The following NCKAP5 variants were observed in gnomAD, a reference collection of about 807,000 sequenced individuals.
NCKAP5 encodes nck-associated protein 5.
In NCKAP5, 92 loss-of-function variants were observed where a neutral mutation model predicts 167.0. That is an observed-to-expected ratio of 0.55 (90% CI 0.47 to 0.66). NCKAP5 has a LOEUF of 0.66. Among genes scored for constraint, NCKAP5 ranks in the 30% least tolerant of loss-of-function variants. The pLI is 0.00. For synonymous variants in NCKAP5, 891 were observed against 877.4 expected, an observed-to-expected ratio of 1.02 and a Z score of -0.27; for missense variants, 2,378 against 2,315.0, an observed-to-expected ratio of 1.03 and a Z score of -0.56.
intron 10 of NCKAP5, among the ~76,000 whole-genome samples, chr2:132,867,548 T>C (rs1574466065): frequency 6.6e-6 from 1 of 152,158 alleles, no homozygotes; most frequent in East Asian, 1.9e-4. Flanking sequence ...TTTGGAAGTG[T>C]CCTTTAAAAG....
intron 5 of NCKAP5, among the ~76,000 whole-genome samples, chr2:133,192,175 GC>G (rs2085254872): frequency 6.6e-6 from 1 of 151,966 alleles, no homozygotes; most frequent in Non-Finnish European, 1.5e-5. Context: ...TGACAAATAT[GC>G]AAAAGTAATT....
intron 3 of NCKAP5, among the ~76,000 whole-genome samples, chr2:133,361,707 A>G (rs1685116943): frequency 6.6e-6 from 1 of 152,220 alleles, no homozygotes; most frequent in South Asian, 2.1e-4. Context: ...CATTGGAAAG[A>G]CAATTGGGTT....
chr2:133,179,514 A>G (rs1484992557), intron 5 of NCKAP5, among the ~76,000 whole-genome samples: 7 of 152,204 alleles, frequency 4.6e-5, no homozygotes, highest in Non-Finnish European at 8.8e-5. Context: ...GACAACGAGA[A>G]GACAGAGATG....
intron 19 of NCKAP5, among the ~76,000 whole-genome samples, chr2:132,720,636 G>C (rs539043098): frequency 5.3e-5 from 8 of 152,218 alleles, no homozygotes; most frequent in African/African-American, 1.9e-4. Context: ...ACAGGAGACA[G>C]GCAGCAGCCT....
At chr2:133,039,091 A>G (rs1471762747) in intron 6 of NCKAP5, among the ~76,000 whole-genome samples, 2 of 152,100 alleles carry the variant, frequency 1.3e-5, no homozygotes, top group Non-Finnish European at 2.9e-5. Flanking sequence ...TCTGGAGGAG[A>G]AGGTTTGAGC....
chr2:133,111,729 T>C (rs1157973629), intron 6 of NCKAP5, among the ~76,000 whole-genome samples: 1 of 152,210 alleles, frequency 6.6e-6, no homozygotes, highest in African/African-American at 2.4e-5. Context: ...TAGCTGTTTC[T>C]TTCTCACTGT....
intron 5 of NCKAP5, among the ~76,000 whole-genome samples, chr2:133,192,084 C>T (rs550458477): frequency 6.6e-6 from 1 of 152,110 alleles, no homozygotes; most frequent in East Asian, 1.9e-4. Flanking sequence ...TGTGTGTTAT[C>T]AGTGGAGGGA....
At chr2:133,517,418 C>G in intron 3 of NCKAP5, 40 bp downstream of exon 3, 1 of 1,220,258 alleles carries the variant, frequency 8.2e-7, no homozygotes, top group Middle Eastern at 2.0e-4. Flanking sequence ...GCATTCAAAG[C>G]CAAAACATAT....
At chr2:133,369,771 A>G (rs1685681936) in intron 3 of NCKAP5, among the ~76,000 whole-genome samples, 1 of 152,226 alleles carries the variant, frequency 6.6e-6, no homozygotes, top group South Asian at 2.1e-4. Context: ...TTTTCTTTCG[A>G]TTTATTTGTG....
rs568538019 is a variant in NCKAP5, at chr2:132,753,298, T to C, written c.5128+20518A>G. On this transcript the variant is annotated intron_variant, in intron 16 of 19. Coordinates refer to ENST00000409261, the MANE Select transcript of NCKAP5 (RefSeq NM_207363.3). ...GAAAGATGGCTTATTTAAGATAAAG[T>C]CAAGAAAGCCACCTTGCTACTAATC... Among the ~76,000 whole-genome samples, 6 of 152,254 alleles carry C rather than the reference T, an allele frequency of 3.9e-5. No individual in the cohort carries two copies. The East Asian group carries it at 1.2e-3, about 29-fold the overall frequency.
rs781065924 is a variant in NCKAP5, at chr2:132,838,180, C to G, written c.807+22312G>C. 2.6e-5 allele frequency among the ~76,000 whole-genome samples: 4 copies of G among 152,136 alleles called. No homozygotes were observed. In the East Asian group the frequency reaches 5.8e-4, roughly 22 times the overall value. Reference sequence around the variant, plus strand: ...AGACTTTCCACCCTCCTGCTCTCTCCGTGGCACCTGGGGTCTCCCAGTGGA... The same window carrying G: ...AGACTTTCCACCCTCCTGCTCTCTCGGTGGCACCTGGGGTCTCCCAGTGGA... On this transcript the variant is annotated intron_variant, in intron 11 of 19. Coordinates refer to ENST00000409261, the MANE Select transcript of NCKAP5 (RefSeq NM_207363.3).
intron 4 of NCKAP5, among the ~76,000 whole-genome samples, chr2:133,280,775 A>G (rs927517501): frequency 6.6e-6 from 1 of 152,176 alleles, no homozygotes; most frequent in African/African-American, 2.4e-5. Context: ...GAATAGTTAT[A>G]CCTGTTCACT....
intron 13 of NCKAP5, among the ~76,000 whole-genome samples, chr2:132,786,834 C>T (rs989751996): frequency 3.3e-5 from 5 of 152,118 alleles, no homozygotes; most frequent in South Asian, 4.2e-4. Flanking sequence ...TTCTATAGTA[C>T]GTCGGTTTTG....
chr2:133,629,629 G>A, the NCKAP5 span, among the ~76,000 whole-genome samples: 1 of 152,022 alleles, frequency 6.6e-6, no homozygotes, highest in South Asian at 2.1e-4. Context: ...CCATTACTGG[G>A]TATATACCCA....
intron 4 of NCKAP5, among the ~76,000 whole-genome samples, chr2:133,229,480 G>T (rs142831385): frequency 2.7e-3 from 407 of 152,240 alleles, no homozygotes; most frequent in African/African-American, 8.9e-3. Context: ...AACATATTTT[G>T]TTTACATTTA....
chr2:132,997,847 A>G (rs1041776442), intron 6 of NCKAP5, among the ~76,000 whole-genome samples: 3 of 152,184 alleles, frequency 2.0e-5, no homozygotes, highest in African/African-American at 7.2e-5. Flanking sequence ...TTCTGAAATA[A>G]TAAGTGATCA....
chr2:133,350,044 G>A (rs1168809108), intron 3 of NCKAP5, among the ~76,000 whole-genome samples: 1 of 152,122 alleles, frequency 6.6e-6, no homozygotes, highest in Non-Finnish European at 1.5e-5. Flanking sequence ...TTCAGGAAAT[G>A]GATATTAGTC....
In NCKAP5 at chr2:132,783,161, C is replaced by A; in HGVS notation, c.3650G>T (p.Gly1217Val). ...CAGGGGAAGCCCATCAGCTAAACTG[C>A]CCTGTGCTTGTGAATCCGGTAGGGT... ...NVTLPDSQAQ[G>V]SLADGLPLET... is the part of the protein sequence containing the mutation. The change falls in exon 14 of 20, where the codon GGC becomes GTC. Residue 1217 changes from glycine to valine, a missense_variant. By Grantham distance (109) the Gly-to-Val change is moderately radical. This residue lies in a region of NCKAP5 where 1,325 missense variants were observed against 1,274.5 expected (regional missense o/e 1.04). Coordinates refer to ENST00000409261, the MANE Select transcript of NCKAP5 (RefSeq NM_207363.3). 6.2e-7 allele frequency: 1 copy of A among 1,613,658 alleles called. No homozygotes were observed. Among genetic ancestry groups the A allele is most frequent in the African/African-American group, 1.3e-5 (1 of 75,030 alleles).
intron 5 of NCKAP5, among the ~76,000 whole-genome samples, chr2:133,166,102 G>C (rs1223866820): frequency 6.6e-6 from 1 of 152,084 alleles, no homozygotes; most frequent in African/African-American, 2.4e-5. Flanking sequence ...ATGGGGTGAG[G>C]TCCATCAGAG....
Sources: allele counts gnomAD v4.1 joint callset (sites outside exome capture counted in the v4.1 genomes callset), GRCh38; gene constraint gnomAD v4.1.1; regional missense constraint gnomAD v4.1.1; transcripts MANE v1.5; gene names NCBI Gene and HGNC (gene_info 2026-07-23, HGNC 2026-07-21).